The following TRANK1 variants were observed in gnomAD, a reference collection of about 807,000 sequenced individuals.
The protein encoded by TRANK1 is TPR and ankyrin repeat-containing protein 1.
Under a neutral mutation model 266.0 loss-of-function variants are expected in TRANK1, and 198 were observed. The ratio of observed to expected loss-of-function variants is 0.74; its 90% CI spans 0.66 to 0.84. TRANK1 has a LOEUF of 0.84. TRANK1 is among the 40% of genes least tolerant of loss of function. The pLI is 0.00. For synonymous variants in TRANK1, 1,396 were observed against 1,384.1 expected (o/e 1.01, Z -0.19); for missense variants, 3,326 against 3,634.6 (o/e 0.92, Z 2.18).
At chr3:36,911,116 G>C (rs890759137) in intron 1 of TRANK1, among the ~76,000 whole-genome samples, 3 of 152,032 alleles carry the variant, frequency 2.0e-5, no homozygotes, top group African/African-American at 7.3e-5. Context: ...GACAGAGCAA[G>C]TTAGTAAATG....
At chr3:36,892,850 A>AAT in intron 6 of TRANK1, 51 bp downstream of exon 6, 1 of 711,798 alleles carries the variant, frequency 1.4e-6, no homozygotes, top group Non-Finnish European at 1.8e-6. Context: ...AACAAAACAA[A>AAT]ACATATATAT....
At chr3:36,925,282 T>G (rs2080272159) in intron 1 of TRANK1, among the ~76,000 whole-genome samples, 2 of 152,228 alleles carry the variant, frequency 1.3e-5, no homozygotes, top group South Asian at 4.1e-4. Context: ...TGTGCACATT[T>G]TAAACTAATG....
At chr3:36,887,335 A>G (rs571464578) in intron 8 of TRANK1, among the ~76,000 whole-genome samples, 1 of 152,342 alleles carries the variant, frequency 6.6e-6, no homozygotes, top group South Asian at 2.1e-4. Context: ...ATAAAAAATT[A>G]TATGACAAAC....
intron 2 of TRANK1, among the ~76,000 whole-genome samples, chr3:36,906,248 G>C (rs913517253): frequency 6.6e-6 from 1 of 152,110 alleles, no homozygotes; most frequent in Non-Finnish European, 1.5e-5. Flanking sequence ...GAGATGGGAG[G>C]GGGAGGTGGA....
chr3:36,891,660 C>G (rs2125605163), intron 7 of TRANK1, among the ~76,000 whole-genome samples: 1 of 152,274 alleles, frequency 6.6e-6, no homozygotes, highest in South Asian at 2.1e-4. Context: ...AAAGTTAAAG[C>G]CTATAACCAG....
rs2078969418 is a variant in TRANK1 at position 36,850,293 on chromosome 3, A to G, written c.4887+1426T>C. ...TTTTATTAGCAAAATTTAACAGGAAAGGAATGTACATAAGGAACAGCAATG... is the reference window on the plus strand; with the variant it reads ...TTTTATTAGCAAAATTTAACAGGAAGGGAATGTACATAAGGAACAGCAATG... On this transcript the variant is annotated intron_variant, in intron 15 of 23. Transcript: ENST00000645898. The G allele has an allele frequency of 3.0e-6, 3 of 985,338 alleles. No homozygotes were observed. In the South Asian group the frequency reaches 1.4e-4, roughly 46 times the overall value. The allele number at this position is 985,338 out of a possible 1,614,324, so 61.0% of individuals were successfully genotyped here. A position where few individuals can be genotyped will look rare whatever the true frequency, so the allele number is the denominator to read the frequency against.
chr3:36,846,489 T>C, intron 16 of TRANK1, 85 bp from the exon 17 acceptor site: 1 of 1,410,626 alleles, frequency 7.1e-7, no homozygotes, highest in Non-Finnish European at 9.6e-7. Context: ...ACTCTAATTT[T>C]GGAAAAACAC....
chr3:36,851,977 A>C (rs1313204693), intron 14 of TRANK1, 121 bp from the exon 15 acceptor site: 1 of 1,413,966 alleles, frequency 7.1e-7, no homozygotes, highest in East Asian at 2.5e-5. Flanking sequence ...ATGGTCAGGC[A>C]GGCCAGGGGA....
Position 36,855,387 on chromosome 3 carries a change from G to A in TRANK1, c.4335C>T (p.Ala1445=), listed in dbSNP as rs57622963. 56 of 1,614,018 alleles carry A rather than the reference G, an allele frequency of 3.5e-5. No homozygotes were observed. The highest frequency in any genetic ancestry group is 4.3e-5 in the Non-Finnish European group (51 of 1,179,886). Residue 1445 remains alanine (A), a synonymous_variant, in exon 13 of 24, where the codon GCC becomes GCT. Transcript: ENST00000645898. ...YGDEIQDFTQ[A]ELALLMKCIN... ...TGCATTTCATCAGCAGCGCCAGCTC[G>A]GCCTGGGTAAAGTCTTGAATCTCAT... is the stretch of plus-strand genomic sequence containing the variant.
chr3:36,943,812 G>C (rs577815569), intron 1 of TRANK1, among the ~76,000 whole-genome samples: 20 of 152,204 alleles, frequency 1.3e-4, no homozygotes, highest in African/African-American at 4.6e-4. Flanking sequence ...AACTGAGCCA[G>C]CAGCAACTGG....
rs182700903 is a variant in TRANK1, at chr3:36,834,999, A to G, written c.5518-92T>C. On this transcript the variant is annotated intron_variant, in intron 20 of 23. Coordinates refer to ENST00000645898, the MANE Select transcript of TRANK1 (RefSeq NM_001329998.2). The stretch of plus-strand genomic sequence containing the variant: ...ACCACAAGTAATAAAGAGGATAGTC[A>G]TATGTCTGCTTTCTGTTAGAATCCA... 4.1e-4 allele frequency: 515 copies of G among 1,265,812 alleles called. 5 individuals are homozygous for G. In the African/African-American group the frequency reaches 6.8e-3, roughly 17 times the overall value. The allele number at this position is 1,265,812 out of a possible 1,614,324, so 78.4% of individuals were successfully genotyped here.
chr3:36,845,001 A>G (rs1202525761), intron 17 of TRANK1, among the ~76,000 whole-genome samples: 1 of 152,158 alleles, frequency 6.6e-6, no homozygotes, highest in African/African-American at 2.4e-5. Context: ...TTATCGTATC[A>G]GGAGAACTTC....
intron 2 of TRANK1, among the ~76,000 whole-genome samples, chr3:36,907,239 C>T (rs1036319274): frequency 6.6e-6 from 1 of 152,194 alleles, no homozygotes; most frequent in African/African-American, 2.4e-5. Flanking sequence ...TAACATCTGC[C>T]TCCCACGATC....
Position 36,833,659 on chromosome 3 carries a change from A to T in TRANK1, c.5924T>A (p.Leu1975His). 6.2e-7 allele frequency: 1 copy of T among 1,613,960 alleles called. No individual in the cohort carries two copies. The highest frequency in any genetic ancestry group is 8.5e-7 in the Non-Finnish European group (1 of 1,179,862). ...AALLMKQHGC[L>H]LEAARLTADK... is the part of the protein sequence containing the mutation. ...GGCAGTGAGCCTGGCAGCCTCCAGG[A>T]GGCAGCCATGTTGCTTCATCAGCAG... Residue 1975 changes from leucine to histidine, a missense_variant, in exon 22 of 24, where the codon CTC (leucine) becomes CAC (histidine). By Grantham distance (99) the Leu-to-His change is moderately conservative. Transcript: ENST00000645898.
At chr3:36,945,106 C>T, upstream of TRANK1, 1 of 401,670 alleles carries the variant, frequency 2.5e-6, no homozygotes. Flanking sequence ...CACGTCGCTG[C>T]TGAGTGGGAG....
intron 2 of TRANK1, 40 bp from the exon 3 acceptor site, chr3:36,903,315 T>C: frequency 6.6e-7 from 1 of 1,524,878 alleles, no homozygotes; most frequent in Non-Finnish European, 8.8e-7. Flanking sequence ...GTTCTGCAAA[T>C]ACAGAAAACA....
intron 18 of TRANK1, 141 bp downstream of exon 18, chr3:36,842,481 G>A (rs781145271): frequency 8.4e-6 from 6 of 713,936 alleles, no homozygotes; most frequent in African/African-American, 1.8e-5. Context: ...TCATCTTGAG[G>A]TGACCTGATG....
At chr3:36,925,473 T>C (rs1040611553) in intron 1 of TRANK1, among the ~76,000 whole-genome samples, 12 of 152,174 alleles carry the variant, frequency 7.9e-5, no homozygotes, top group African/African-American at 2.4e-4. Flanking sequence ...AATGTAAACA[T>C]TGGAAACTCA....
In TRANK1 at chr3:36,832,259, T is replaced by C. The variant is rs2078706253; in HGVS notation, c.7324A>G (p.Lys2442Glu). ...RFMNVLIKRC[K>E]EPLIPSIGNT... Reference sequence around the variant, plus strand: ...CCAATGCTGGGGATGAGTGGTTCTTTGCACCTCTTGATGAGGACATTCATG... The same window carrying C: ...CCAATGCTGGGGATGAGTGGTTCTTCGCACCTCTTGATGAGGACATTCATG... The change falls in exon 22 of 24, where the codon AAA becomes GAA. Residue 2442 changes from lysine (K) to glutamate (E), a missense_variant. By Grantham distance (56) the Lys-to-Glu change is moderately conservative. Transcript: ENST00000645898. 6.2e-7 allele frequency: 1 copy of C among 1,614,002 alleles called. No homozygotes were observed. Among genetic ancestry groups the C allele is most frequent in the Non-Finnish European group, 8.5e-7 (1 of 1,179,896 alleles).
Sources: gnomAD v4.1 joint callset for allele counts (sites outside exome capture counted in the v4.1 genomes callset) on GRCh38, gnomAD v4.1.1 for gene constraint, MANE v1.5 for transcripts, NCBI Gene and HGNC (gene_info 2026-07-23, HGNC 2026-07-21) for gene names.